Variants in STPG2 observed in about 807,000 individuals in gnomAD.
STPG2 encodes sperm-tail PG-rich repeat-containing protein 2.
A neutral mutation model predicts 54.2 loss-of-function variants in STPG2; 56 were observed. That is an observed-to-expected ratio of 1.03 (90% CI 0.83 to 1.29). The LOEUF is 1.29. Among genes scored for constraint, STPG2 ranks in the 50% most tolerant of loss-of-function variants. The pLI is 0.00. For missense variants in STPG2, 596 were observed against 544.9 expected (o/e 1.09, Z -0.93); for synonymous variants, 200 against 181.8 (o/e 1.10, Z -0.81).
intron 8 of STPG2, among the ~76,000 whole-genome samples, chr4:97,895,754 A>G (rs888473272): frequency 6.6e-6 from 1 of 151,832 alleles, no homozygotes. Context: ...TAAATAATAC[A>G]GTAAGTTACG....
intron 10 of STPG2, among the ~76,000 whole-genome samples, chr4:97,604,817 G>A (rs1733553661): frequency 6.6e-6 from 1 of 151,714 alleles, no homozygotes; most frequent in Admixed American, 6.6e-5. Flanking sequence ...AAGTATCTGA[G>A]CATAATCATA....
intron 10 of STPG2, among the ~76,000 whole-genome samples, chr4:97,608,985 T>C (rs1028719769): frequency 1.3e-5 from 2 of 152,040 alleles, no homozygotes; most frequent in Admixed American, 6.6e-5. Context: ...ATCATGAACA[T>C]TTTTAATGGT....
At chr4:98,042,210 G>T (rs1736982464) in intron 5 of STPG2, among the ~76,000 whole-genome samples, 1 of 131,510 alleles carries the variant, frequency 7.6e-6, no homozygotes, top group Non-Finnish European at 1.7e-5. Context: ...TCTTTATTTG[G>T]ATTTTCTCTG....
In STPG2 at chr4:97,961,583, T is replaced by A. The variant is rs150976882; in HGVS notation, c.933+10697A>T. On this transcript the variant is annotated intron_variant, in intron 7 of 10. Transcript: ENST00000295268. ...CAATTCTCAAATGAAGATATACAAA[T>A]AGCCAACAAACATATGAAAATGATG... is the stretch of plus-strand genomic sequence containing the variant. Among the ~76,000 whole-genome samples, 10 of 152,134 alleles carry A rather than the reference T, an allele frequency of 6.6e-5. No individual in the cohort carries two copies. The East Asian group carries it at 1.7e-3, about 26-fold the overall frequency.
intron 10 of STPG2, among the ~76,000 whole-genome samples, chr4:97,562,560 A>G (rs1395014818): frequency 6.6e-6 from 1 of 152,178 alleles, no homozygotes; most frequent in African/African-American, 2.4e-5. Context: ...CCCATTCAGT[A>G]TGATATTGGC....
At chr4:97,575,290 C>CA (rs1471453989) in intron 10 of STPG2, among the ~76,000 whole-genome samples, 2 of 151,942 alleles carry the variant, frequency 1.3e-5, no homozygotes, top group African/African-American at 4.8e-5. Context: ...ACTCATTCTA[C>CA]AAAGTCAGCA....
intron 4 of STPG2, among the ~76,000 whole-genome samples, chr4:97,487,025 G>T (rs2148824941): frequency 6.6e-6 from 1 of 151,426 alleles, no homozygotes; most frequent in African/African-American, 2.4e-5. Flanking sequence ...TGTTCTCACT[G>T]ACATGTGGGA....
chr4:98,119,301 A>C (rs770032556), intron 3 of STPG2, among the ~76,000 whole-genome samples: 20 of 152,098 alleles, frequency 1.3e-4, no homozygotes, highest in Non-Finnish European at 2.2e-4. Flanking sequence ...AAAATATTAA[A>C]CAAACCTTCA....
intron 4 of STPG2, among the ~76,000 whole-genome samples, chr4:97,507,247 T>C (rs1730870091): frequency 6.6e-6 from 1 of 151,872 alleles, no homozygotes; most frequent in Non-Finnish European, 1.5e-5. Flanking sequence ...CAAACCAAAA[T>C]ATGCCAGTAA....
At chr4:97,714,869 T>C (rs1224060265) in intron 9 of STPG2, among the ~76,000 whole-genome samples, 2 of 152,186 alleles carry the variant, frequency 1.3e-5, no homozygotes, top group African/African-American at 4.8e-5. Context: ...ATCCAAACAC[T>C]ATTGTAACTG....
chr4:98,026,362 C>T (rs987251634), intron 5 of STPG2: 11 of 453,018 alleles, frequency 2.4e-5, no homozygotes, highest in Non-Finnish European at 3.9e-5. Context: ...CCGATTTATT[C>T]CTCTGCCTCG....
At chr4:98,064,212 G>T (rs969579134) in intron 5 of STPG2, among the ~76,000 whole-genome samples, 8 of 152,152 alleles carry the variant, frequency 5.3e-5, no homozygotes, top group Admixed American at 5.2e-4. Context: ...AATGATTTCA[G>T]TAAGAAAATT....
At chr4:97,862,991 G>C (rs1216000399) in intron 8 of STPG2, among the ~76,000 whole-genome samples, 1 of 152,140 alleles carries the variant, frequency 6.6e-6, no homozygotes, top group African/African-American at 2.4e-5. Context: ...ACAACAGAAA[G>C]CAGGAAAGAT....
At position 98,092,475 on chromosome 4, in the gene STPG2, C is replaced by G. The variant is rs994807740; in HGVS notation, c.612+13478G>C. ...AAGTGCCTGTTATAAAGCCAAGTAA[C>G]CAGATAATTTAATAAATATTAAAGA... On this transcript the variant is annotated intron_variant, in intron 5 of 10. Transcript: ENST00000295268. Among the ~76,000 whole-genome samples the G allele has an allele frequency of 2.0e-5, 3 of 151,546 alleles. No homozygotes were observed. In the East Asian group the frequency reaches 5.8e-4, roughly 29 times the overall value.
chr4:97,812,627 A>G (rs1170082242), intron 9 of STPG2, among the ~76,000 whole-genome samples: 2 of 152,176 alleles, frequency 1.3e-5, no homozygotes, highest in African/African-American at 4.8e-5. Flanking sequence ...AACAAAATAT[A>G]CGTCTAGTCT....
In STPG2 at chr4:97,921,949, T is replaced by A. The variant is rs181404589; in HGVS notation, c.1044+21948A>T. ...AAAGACAAATTCTGCATGATTTCAC[T>A]TATATGTTGAATGTAAGGAAATTGA... On this transcript the variant is annotated intron_variant, in intron 8 of 10. Transcript: ENST00000295268. 3.8e-3 allele frequency among the ~76,000 whole-genome samples: 584 copies of A among 152,278 alleles called. 3 individuals carry two copies. Among genetic ancestry groups the A allele is most frequent in the South Asian group, 6.4e-3 (31 of 4,822 alleles).
chr4:97,545,359 T>C (rs905909544), intron 4 of STPG2, among the ~76,000 whole-genome samples: 2 of 152,120 alleles, frequency 1.3e-5, no homozygotes, highest in Admixed American at 6.5e-5. Context: ...TTGCAAACTA[T>C]AAACAAGCTT....
chr4:98,034,156 C>G lies in STPG2; in HGVS notation c.613-52838G>C, dbSNP rs1423081816. 3.3e-5 allele frequency among the ~76,000 whole-genome samples: 5 copies of G among 152,266 alleles called. No homozygotes were observed. The South Asian group carries it at 1.0e-3, about 32-fold the overall frequency. ...GTATTCAATTAGGAAAAGAGGAACT[C>G]AAATTGTCTCTGTTTGCAGATGACA... On this transcript the variant is annotated intron_variant, in intron 5 of 10. Coordinates refer to ENST00000295268, the MANE Select transcript of STPG2 (RefSeq NM_174952.3).
At chr4:97,839,905 T>A (rs1377358600) in intron 9 of STPG2, among the ~76,000 whole-genome samples, 1 of 151,598 alleles carries the variant, frequency 6.6e-6, no homozygotes, top group African/African-American at 2.4e-5. Flanking sequence ...CTCATAAAAA[T>A]TCATTACAAT....
Sources: gnomAD v4.1 joint callset for allele counts (sites outside exome capture counted in the v4.1 genomes callset) on GRCh38, gnomAD v4.1.1 for gene constraint, MANE v1.5 for transcripts, NCBI Gene and HGNC (gene_info 2026-07-23, HGNC 2026-07-21) for gene names.